Variants in PPFIA2 observed in about 807,000 individuals in gnomAD.
The protein encoded by PPFIA2 is PPFI scaffold protein A2.
PPFIA2 carries 46 observed loss-of-function variants against 175.5 expected under a neutral mutation model. The observed-to-expected ratio is 0.26, with a 90% CI of 0.21 to 0.34. The LOEUF (loss-of-function observed/expected upper bound fraction) is 0.34, where lower values mean the gene tolerates loss of function less well. Ranked by LOEUF, PPFIA2 falls within the 10% of genes least tolerant of loss-of-function variation. The pLI is 1.00. For missense variants in PPFIA2, 1,179 were observed against 1,506.1 expected, an observed-to-expected ratio of 0.78 and a Z score of 3.60; for synonymous variants, 568 against 511.4, an observed-to-expected ratio of 1.11 and a Z score of -1.49.
chr12:81,492,270 T>A (rs1208870540), intron 4 of PPFIA2, among the ~76,000 whole-genome samples: 1 of 152,062 alleles, frequency 6.6e-6, no homozygotes, highest in Non-Finnish European at 1.5e-5. Context: ...ATTTACTAAT[T>A]CAAACACATT....
intron 4 of PPFIA2, among the ~76,000 whole-genome samples, chr12:81,512,688 C>T (rs2061944210): frequency 6.6e-6 from 1 of 151,876 alleles, no homozygotes; most frequent in South Asian, 2.1e-4. Flanking sequence ...CCTCACTCCC[C>T]TCCCATTCTT....
chr12:81,325,895 T>G (rs187312109), intron 21 of PPFIA2, 25 bp from the exon 22 acceptor site: 116 of 1,506,760 alleles, frequency 7.7e-5, no homozygotes, highest in Non-Finnish European at 9.8e-5. Context: ...AACTAAGTAT[T>G]CAGATTATGT....
rs1463566074 is a variant in PPFIA2, at chr12:81,344,672, G to A, written c.2254C>T (p.Arg752Trp). ...AAAGTTATTTACTGTACCTTTCTCC[G>A]ATGTTTCCTCAGATCACTTGGCTGT... ...MTLPSDLRKHRRKIAVVEEDG... is the reference protein window; with the variant it reads ...MTLPSDLRKHWRKIAVVEEDG... The change falls in exon 19 of 33, where the codon CGG becomes TGG. Residue 752 changes from arginine to tryptophan, a missense_variant. Physicochemically the swap from Arg to Trp is moderately radical, Grantham distance 101. This residue lies in a region of PPFIA2 where 223 missense variants were observed against 241.6 expected (regional missense o/e 0.92). Coordinates refer to ENST00000549396, the MANE Select transcript of PPFIA2 (RefSeq NM_003625.5). The A allele has an allele frequency of 5.1e-6, 8 of 1,557,060 alleles. No homozygotes were observed. The highest frequency in any genetic ancestry group is 1.4e-5 in the African/African-American group (1 of 73,680).
chr12:81,312,079 A>T, intron 22 of PPFIA2: 1 of 1,388,540 alleles, frequency 7.2e-7, no homozygotes, highest in Non-Finnish European at 9.8e-7. Flanking sequence ...TTACAACTCA[A>T]AAGAGTAATA....
chr12:81,470,302 A>AT (rs1250760006), intron 4 of PPFIA2, among the ~76,000 whole-genome samples: 1 of 152,222 alleles, frequency 6.6e-6, no homozygotes, highest in Non-Finnish European at 1.5e-5. Flanking sequence ...CTCTCTAAAG[A>AT]TAAGTAGCCA....
chr12:81,679,303 G>A (rs2073157260), intron 3 of PPFIA2, among the ~76,000 whole-genome samples: 1 of 151,844 alleles, frequency 6.6e-6, no homozygotes, highest in African/African-American at 2.4e-5. Context: ...TGCATTTGGA[G>A]TTAATACATG....
At chr12:81,661,799 G>C (rs1282559450) in intron 4 of PPFIA2, among the ~76,000 whole-genome samples, 2 of 152,176 alleles carry the variant, frequency 1.3e-5, no homozygotes, top group East Asian at 3.9e-4. Flanking sequence ...ATAGTTGGAA[G>C]TAAAGCTCTC....
At chr12:81,535,529 T>C (rs1356242141) in intron 4 of PPFIA2, 1 of 450,970 alleles carries the variant, frequency 2.2e-6, no homozygotes, top group Non-Finnish European at 4.4e-6. Flanking sequence ...GAAGAACATC[T>C]AACTCAATAA....
At chr12:81,702,709 G>A (rs889834792) in intron 3 of PPFIA2, among the ~76,000 whole-genome samples, 12 of 152,044 alleles carry the variant, frequency 7.9e-5, no homozygotes, top group African/African-American at 2.7e-4. Flanking sequence ...TAAATGCTGT[G>A]TGCCCTAAAA....
At chr12:81,386,627 A>G (rs2039032509) in intron 8 of PPFIA2, among the ~76,000 whole-genome samples, 1 of 151,878 alleles carries the variant, frequency 6.6e-6, no homozygotes, top group Non-Finnish European at 1.5e-5. Context: ...GACCAATAGT[A>G]ATAATGATAA....
rs572181864 is a variant in PPFIA2 at position 81,576,513 on chromosome 12, T to C, written c.303+100278A>G. On this transcript the variant is annotated intron_variant, in intron 4 of 32. Transcript: ENST00000549396. ...CCCTTTAGATAAGGCCTACTTATTC[T>C]ATTTTTACTGTTTTTCTGGGTCTCA... is the stretch of plus-strand genomic sequence containing the variant. 2.0e-5 allele frequency among the ~76,000 whole-genome samples: 3 copies of C among 151,948 alleles called. No individual in the cohort carries two copies. The East Asian group carries it at 5.8e-4, about 30-fold the overall frequency.
At chr12:81,397,727 T>G (rs2041398269) in intron 8 of PPFIA2, among the ~76,000 whole-genome samples, 1 of 152,090 alleles carries the variant, frequency 6.6e-6, no homozygotes, top group Non-Finnish European at 1.5e-5. Context: ...TACTGGTCTG[T>G]GGCCTGTTTG....
At chr12:81,453,566 AT>A (rs896719464) in intron 5 of PPFIA2, among the ~76,000 whole-genome samples, 4 of 152,024 alleles carry the variant, frequency 2.6e-5, no homozygotes, top group African/African-American at 7.2e-5. Flanking sequence ...TTGTTTCAAT[AT>A]TTTTTCTACA....
chr12:81,642,665 ATAC>A (rs2065181061), intron 4 of PPFIA2, among the ~76,000 whole-genome samples: 1 of 114,682 alleles, frequency 8.7e-6, no homozygotes, highest in Admixed American at 9.5e-5. Context: ...TATCTATTAT[ATAC>A]ATACATGTAT....
intron 4 of PPFIA2, among the ~76,000 whole-genome samples, chr12:81,637,564 G>C (rs71466028): frequency 1.3e-5 from 2 of 151,958 alleles, no homozygotes; most frequent in African/African-American, 4.8e-5. Context: ...TAATCTTTCA[G>C]AACTTACAGC....
At chr12:81,704,261 T>G (rs1376137876) in intron 3 of PPFIA2, among the ~76,000 whole-genome samples, 3 of 152,162 alleles carry the variant, frequency 2.0e-5, no homozygotes, top group Non-Finnish European at 4.4e-5. Context: ...GTTTCAATAT[T>G]AAACATAATT....
rs778652217 is a variant in PPFIA2 at position 81,261,939 on chromosome 12, A to G, written c.*33+10T>C. Reference sequence around the variant, plus strand: ...TTTTTTTTTTTGTCAGCCAAAGGGAAACTACTCACAGCAGGTCAGTGCTGC... The same window carrying G: ...TTTTTTTTTTTGTCAGCCAAAGGGAGACTACTCACAGCAGGTCAGTGCTGC... On this transcript the variant is annotated intron_variant, in intron 32 of 32. Coordinates refer to ENST00000549396, the MANE Select transcript of PPFIA2 (RefSeq NM_003625.5). 3.9e-6 allele frequency: 6 copies of G among 1,543,284 alleles called. No homozygotes were observed. Among genetic ancestry groups the G allele is most frequent in the Non-Finnish European group, 1.8e-6 (2 of 1,137,592 alleles).
intron 4 of PPFIA2, among the ~76,000 whole-genome samples, chr12:81,566,463 G>T (rs1319786390): frequency 7.1e-6 from 1 of 140,628 alleles, no homozygotes; most frequent in Non-Finnish European, 1.5e-5. Flanking sequence ...GGCGGAGGTT[G>T]CAGTGGGCCA....
At chr12:81,414,496 C>A (rs1330958754) in intron 7 of PPFIA2, among the ~76,000 whole-genome samples, 2 of 151,664 alleles carry the variant, frequency 1.3e-5, no homozygotes, top group Non-Finnish European at 3.0e-5. Flanking sequence ...TACATAAAAT[C>A]TTTCATGCTA....
Sources: allele counts gnomAD v4.1 joint callset (sites outside exome capture counted in the v4.1 genomes callset), GRCh38; gene constraint gnomAD v4.1.1; regional missense constraint gnomAD v4.1.1; transcripts MANE v1.5; gene names NCBI Gene and HGNC (gene_info 2026-07-23, HGNC 2026-07-21).